The following RALYL variants were observed in gnomAD, a reference collection of about 807,000 sequenced individuals.
The protein encoded by RALYL is RNA-binding Raly-like protein.
In RALYL, 29 loss-of-function variants were observed where a neutral mutation model predicts 35.1. The ratio of observed to expected loss-of-function variants is 0.83; its 90% CI spans 0.61 to 1.13. RALYL has a LOEUF of 1.13. Among genes scored for constraint, RALYL ranks in the 50% most tolerant of loss-of-function variants. The probability of loss-of-function intolerance (pLI) is 0.00; values close to 1 mark genes in which losing one functional copy is unlikely to be tolerated. For synonymous variants in RALYL, 120 were observed against 127.6 expected (o/e 0.94, Z 0.40); for missense variants, 359 against 360.4 (o/e 1.00, Z 0.03).
chr8:84,679,555 G>C (rs1223759389), intron 2 of RALYL: 3 of 407,358 alleles, frequency 7.4e-6, no homozygotes, highest in Non-Finnish European at 1.4e-5. Flanking sequence ...TGATTCATGA[G>C]CTCTTCCCAA....
In RALYL at chr8:84,920,895, T is replaced by C; in HGVS notation, c.860T>C (p.Phe287Ser). 2.1e-6 allele frequency: 3 copies of C among 1,405,978 alleles called. No homozygotes were observed. The highest frequency in any genetic ancestry group is 2.8e-6 in the Non-Finnish European group (3 of 1,054,598). The allele number at this position is 1,405,978 out of a possible 1,614,324, so 87.1% of individuals were successfully genotyped here. A position where few individuals can be genotyped will look rare whatever the true frequency, so the allele number is the denominator to read the frequency against. Reference sequence around the variant, plus strand: ...TAAAATTTTTTTTTATTTTCTCAGTTTCTACAGATAAAGTGATCTGAAATA... The same window carrying C: ...TAAAATTTTTTTTTATTTTCTCAGTCTCTACAGATAAAGTGATCTGAAATA... ...DFDEDGGHEL[F>S]LQIK Residue 287 changes from phenylalanine to serine, a missense_variant and splice_region_variant, in exon 9 of 9, where the codon TTT becomes TCT. By Grantham distance (155) the Phe-to-Ser change is radical. Transcript: ENST00000521268.
intron 1 of RALYL, among the ~76,000 whole-genome samples, chr8:84,404,353 C>T (rs900750529): frequency 6.6e-6 from 1 of 151,996 alleles, no homozygotes; most frequent in Non-Finnish European, 1.5e-5. Context: ...TCCATCAATA[C>T]CTAGTTTATT....
chr8:84,548,678 A>C (rs1233568207), intron 2 of RALYL, among the ~76,000 whole-genome samples: 1 of 152,208 alleles, frequency 6.6e-6, no homozygotes, highest in Non-Finnish European at 1.5e-5. Context: ...AATCATTAGA[A>C]TTCTCACTTT....
rs1331463315 is a variant in RALYL, at chr8:84,216,488, TA to T, written c.-24+32068del. ...GATGTTATGGGCTATGTATAGTTAGTAAAATATTTACTACAGTGAGCAAATT... is the reference window on the plus strand; with the variant it reads ...GATGTTATGGGCTATGTATAGTTAGTAAATATTTACTACAGTGAGCAAATT... On this transcript the variant is annotated intron_variant, in intron 1 of 8. Coordinates refer to ENST00000521268, the MANE Select transcript of RALYL (RefSeq NM_173848.7). 2.6e-5 allele frequency among the ~76,000 whole-genome samples: 4 copies of T among 152,160 alleles called. No homozygotes were observed. The East Asian group carries it at 5.8e-4, about 22-fold the overall frequency.
At position 84,907,478 on chromosome 8, in the gene RALYL, C is replaced by T. The variant is rs141214436; in HGVS notation, c.859-13416C>T. Among the ~76,000 whole-genome samples the T allele has an allele frequency of 1.3e-3, 196 of 152,166 alleles. 1 individual carries two copies. The highest frequency in any genetic ancestry group is 4.4e-3 in the African/African-American group (184 of 41,534). On this transcript the variant is annotated intron_variant, in intron 8 of 8. Transcript: ENST00000521268. ...GTTTTTTATATATGTCTTGTCATTACTGCCTAAAATAACTTCGAGGAGTAG... is the reference window on the plus strand; with the variant it reads ...GTTTTTTATATATGTCTTGTCATTATTGCCTAAAATAACTTCGAGGAGTAG...
chr8:84,276,107 C>T (rs140175326), intron 1 of RALYL, among the ~76,000 whole-genome samples: 2,888 of 152,220 alleles, frequency 0.019, 42 homozygotes, highest in Non-Finnish European at 0.031. Flanking sequence ...ATTATAACCT[C>T]TGAAGTCAAA....
chr8:84,317,238 G>A (rs111688443), intron 1 of RALYL, among the ~76,000 whole-genome samples: 4,111 of 91,036 alleles, frequency 0.045, 102 homozygotes, highest in Non-Finnish European at 0.045. Flanking sequence ...ATGCTGGAGG[G>A]CAAAACAAAG....
At chr8:84,365,408 T>G (rs1223770687) in intron 1 of RALYL, among the ~76,000 whole-genome samples, 7 of 152,188 alleles carry the variant, frequency 4.6e-5, no homozygotes, top group Non-Finnish European at 8.8e-5. Context: ...ATTTACAGTG[T>G]TGCAAAACTA....
chr8:84,705,791 G>T (rs1841097747), intron 2 of RALYL: 1 of 700,396 alleles, frequency 1.4e-6, no homozygotes, highest in Non-Finnish European at 2.1e-6. Flanking sequence ...AGGATCGGGG[G>T]AGGTGAAGGA....
chr8:84,620,094 G>C (rs1272469208), intron 2 of RALYL, among the ~76,000 whole-genome samples: 2 of 148,028 alleles, frequency 1.4e-5, no homozygotes, highest in African/African-American at 5.0e-5. Context: ...TTCTCGAGGA[G>C]TATCTTTGTG....
intron 1 of RALYL, among the ~76,000 whole-genome samples, chr8:84,380,854 T>A (rs914582004): frequency 4.6e-5 from 7 of 151,884 alleles, no homozygotes; most frequent in Non-Finnish European, 8.8e-5. Flanking sequence ...GCATGATCTA[T>A]GCATTGAGAA....
chr8:84,197,802 C>T (rs576644171), intron 1 of RALYL, among the ~76,000 whole-genome samples: 4 of 151,344 alleles, frequency 2.6e-5, no homozygotes, highest in South Asian at 2.1e-4. Flanking sequence ...AAAAAATAAG[C>T]GAAACTTATT....
At position 84,207,798 on chromosome 8, in the gene RALYL, ATGTGTGTG is replaced by A. The variant is rs575104571; in HGVS notation, c.-24+23390_-24+23397del. On this transcript the variant is annotated intron_variant, in intron 1 of 8. Coordinates refer to ENST00000521268, the MANE Select transcript of RALYL (RefSeq NM_173848.7). ...CCTTGACTGTGATAATCATTTCATA[ATGTGTGTG>A]TGTGTGTGTGTGTGTATATATATAT... is the stretch of plus-strand genomic sequence containing the variant. 1.1e-4 allele frequency among the ~76,000 whole-genome samples: 16 copies of A among 143,838 alleles called. No homozygotes were observed. The East Asian group carries it at 3.0e-3, about 27-fold the overall frequency. The allele number at this position is 143,838 out of a possible 152,430, so 94.4% of individuals were successfully genotyped here.
chr8:84,739,840 A>C (rs2133034425), intron 2 of RALYL, among the ~76,000 whole-genome samples: 1 of 152,072 alleles, frequency 6.6e-6, no homozygotes, highest in Middle Eastern at 3.4e-3. Context: ...TTTGATGTTA[A>C]AACTAACTAG....
Position 84,442,609 on chromosome 8 carries a change from T to G in RALYL, c.-23-86690T>G, listed in dbSNP as rs1052391370. Among the ~76,000 whole-genome samples the G allele has an allele frequency of 5.9e-5, 9 of 152,140 alleles. 1 individual carries two copies. The highest frequency in any genetic ancestry group is 2.6e-4 in the Admixed American group (4 of 15,264). On this transcript the variant is annotated intron_variant, in intron 1 of 8. Transcript: ENST00000521268. ...GGAGAGACAGATGTTGAGTCAATAATTCCTGTGCTGCATTGAAGGGTGGGT... is the reference window on the plus strand; with the variant it reads ...GGAGAGACAGATGTTGAGTCAATAAGTCCTGTGCTGCATTGAAGGGTGGGT...
At chr8:84,436,909 A>G (rs1268477064) in intron 1 of RALYL, among the ~76,000 whole-genome samples, 3 of 152,018 alleles carry the variant, frequency 2.0e-5, no homozygotes, top group Non-Finnish European at 4.4e-5. Context: ...TTTAAGAGGT[A>G]TATCTGCAGA....
chr8:84,279,186 C>A (rs1369680588), intron 1 of RALYL, among the ~76,000 whole-genome samples: 1 of 152,128 alleles, frequency 6.6e-6, no homozygotes, highest in East Asian at 1.9e-4. Context: ...GAACTTACTA[C>A]CACAAGAACA....
chr8:84,557,794 A>G (rs2061231142), intron 2 of RALYL, among the ~76,000 whole-genome samples: 2 of 152,174 alleles, frequency 1.3e-5, no homozygotes, highest in Admixed American at 1.3e-4. Context: ...ATGCTGATTA[A>G]TAGGCCAGTG....
chr8:84,189,212 T>C (rs1478219116), intron 1 of RALYL, among the ~76,000 whole-genome samples: 1 of 152,180 alleles, frequency 6.6e-6, no homozygotes, highest in East Asian at 1.9e-4. Flanking sequence ...TACAATAGCA[T>C]GCATCACTAA....
Sources: gnomAD v4.1 joint callset for allele counts (sites outside exome capture counted in the v4.1 genomes callset) on GRCh38, gnomAD v4.1.1 for gene constraint, MANE v1.5 for transcripts, NCBI Gene and HGNC (gene_info 2026-07-23, HGNC 2026-07-21) for gene names.